Variants in STARD9 observed in about 807,000 individuals in gnomAD.
The protein encoded by STARD9 is stAR-related lipid transfer protein 9.
STARD9 carries 346 observed loss-of-function variants against 399.8 expected under a neutral mutation model. The ratio of observed to expected loss-of-function variants is 0.87; its 90% confidence interval spans 0.79 to 0.95. STARD9 has a LOEUF of 0.95. STARD9 is among the 40% of genes least tolerant of loss of function. STARD9 has a pLI of 0.00. For missense variants in STARD9, 5,832 were observed against 5,667.5 expected (o/e 1.03, Z -0.93); for synonymous variants, 2,203 against 2,143.5 (o/e 1.03, Z -0.77).
At chr15:42,602,225 G>A (rs910890958) in intron 3 of STARD9, among the ~76,000 whole-genome samples, 1 of 152,228 alleles carries the variant, frequency 6.6e-6, no homozygotes, top group Admixed American at 6.5e-5. Context: ...AGTATGCTCT[G>A]GCTTCTAGAA....
chr15:42,687,901 T>C lies in STARD9; in HGVS notation c.6323T>C (p.Leu2108Ser), dbSNP rs866443235. Residue 2108 changes from leucine to serine, a missense_variant, in exon 23 of 33, where the codon TTG becomes TCG. By Grantham distance (145) the Leu-to-Ser change is moderately radical (BLOSUM62 -2). Transcript: ENST00000290607. The part of the protein sequence containing the change: ...AFRPDSSGNP[L>S]PSKDQPSSPR... Reference sequence around the variant, plus strand: ...AGGCCAGACAGCTCTGGAAACCCTTTGCCCTCTAAGGATCAGCCATCTTCT... The same window carrying C: ...AGGCCAGACAGCTCTGGAAACCCTTCGCCCTCTAAGGATCAGCCATCTTCT... The C allele has an allele frequency of 6.5e-7, 1 of 1,537,236 alleles. No individual in the cohort carries two copies. Among genetic ancestry groups the C allele is most frequent in the African/African-American group, 1.4e-5 (1 of 73,160 alleles).
Position 42,676,050 on chromosome 15 carries a change from TG to T in STARD9, c.1874+80del. 4 of 155,370 alleles carry T rather than the reference TG, an allele frequency of 2.6e-5. 2 individuals are homozygous for T. The highest frequency in any genetic ancestry group is 4.9e-5 in the Non-Finnish European group (4 of 81,404). The allele number at this position is 155,370 out of a possible 1,614,324, so 9.6% of individuals were successfully genotyped here. A position where few individuals can be genotyped will look rare whatever the true frequency, so the allele number is the denominator to read the frequency against. ...TAGTCCATGACAGCATGGATCAGGGTGGGGGTGGGGGGTGATTAATGTAGCA... is the reference window on the plus strand; with the variant it reads ...TAGTCCATGACAGCATGGATCAGGGTGGGGTGGGGGGTGATTAATGTAGCA... On this transcript the variant is annotated intron_variant, in intron 20 of 32. Coordinates refer to ENST00000290607, the MANE Select transcript of STARD9 (RefSeq NM_020759.3).
chr15:42,617,343 G>T (rs1261047095), intron 3 of STARD9, among the ~76,000 whole-genome samples: 1 of 152,144 alleles, frequency 6.6e-6, no homozygotes, highest in Admixed American at 6.6e-5. Context: ...CATTTATAGG[G>T]TGATAACTAT....
Position 42,692,493 on chromosome 15 carries a change from G to C in STARD9, c.10915G>C (p.Glu3639Gln). 6.5e-7 allele frequency: 1 copy of C among 1,537,126 alleles called. No homozygotes were observed. The highest frequency in any genetic ancestry group is 1.2e-5 in the South Asian group (1 of 84,060). ...GGGACAGACCAGGACGAACACATTCGAACAGGGCACACAGACCCTCGGCAG... is the reference window on the plus strand; with the variant it reads ...GGGACAGACCAGGACGAACACATTCCAACAGGGCACACAGACCCTCGGCAG... The part of the protein sequence containing the change: ...PVGQTRTNTF[E>Q]QGTQTLGSRR... The change falls in exon 23 of 33, where the codon GAA becomes CAA. Residue 3639 changes from glutamate to glutamine, a missense_variant. This residue lies in a region of STARD9 where 5,828 missense variants were observed against 5,651.1 expected (regional missense o/e 1.03). Transcript: ENST00000290607.
At chr15:42,676,071 G>A (rs2060306378) in intron 20 of STARD9, 96 bp downstream of exon 20, 3 of 905,018 alleles carry the variant, frequency 3.3e-6, no homozygotes, top group Non-Finnish European at 5.1e-6. Context: ...GGTGATTAAT[G>A]TAGCAGCCAA....
intron 26 of STARD9, among the ~76,000 whole-genome samples, chr15:42,712,836 A>C (rs2061274057): frequency 6.6e-6 from 1 of 152,178 alleles, no homozygotes; most frequent in African/African-American, 2.4e-5. Context: ...CCAGCCTCAC[A>C]CTGTCTTCTT....
At chr15:42,593,457 C>G (rs529350871) in intron 3 of STARD9, among the ~76,000 whole-genome samples, 1 of 151,946 alleles carries the variant, frequency 6.6e-6, no homozygotes, top group African/African-American at 2.4e-5. Context: ...AAAAGCTAAC[C>G]GCTCTTCATG....
intron 3 of STARD9, among the ~76,000 whole-genome samples, chr15:42,620,422 A>G (rs6493055): frequency 0.082 from 12,385 of 151,890 alleles, 1,442 homozygotes; most frequent in African/African-American, 0.26. Context: ...TCAAGGCTGC[A>G]GTGAGCTGTG....
chr15:42,606,645 T>A (rs2058729600), intron 3 of STARD9, among the ~76,000 whole-genome samples: 1 of 150,424 alleles, frequency 6.6e-6, no homozygotes, highest in Non-Finnish European at 1.5e-5. Flanking sequence ...TTTTTTTTTT[T>A]AAGATGGAGT....
intron 16 of STARD9, chr15:42,672,637 T>G (rs1379467350): frequency 6.6e-6 from 1 of 152,368 alleles, no homozygotes; most frequent in Admixed American, 6.5e-5. Flanking sequence ...TCTGGCTGTT[T>G]GTGTGTTTGC....
At position 42,688,015 on chromosome 15, in the gene STARD9, A is replaced by T; in HGVS notation, c.6437A>T (p.Lys2146Ile). The change falls in exon 23 of 33, where the codon AAA (lysine) becomes ATA (isoleucine). Residue 2146 changes from lysine to isoleucine, a missense_variant. Physicochemically the swap from Lys to Ile is moderately radical, Grantham distance 102. Around this residue, in one of 2 missense-constraint regions of STARD9, gnomAD observed 5,828 missense variants for 5,651.1 expected, o/e 1.03. Transcript: ENST00000290607. ...NSIGNHPQVQ[K>I]ITPNPFRSRE... ...ATTGGGAACCATCCCCAGGTCCAGA[A>T]AATCACCCCAAACCCCTTCAGGTCA... 1 of 1,537,536 alleles carries T rather than the reference A, an allele frequency of 6.5e-7. No homozygotes were observed. The highest frequency in any genetic ancestry group is 1.2e-5 in the South Asian group (1 of 84,058).
At position 42,692,909 on chromosome 15, in the gene STARD9, T is replaced by A; in HGVS notation, c.11331T>A (p.Asp3777Glu). Residue 3777 changes from aspartate (D) to glutamate (E), a missense_variant, in exon 23 of 33, where the codon GAT becomes GAA. Transcript: ENST00000290607. ...CGACTGTGTCTCAAGAAGAGGGAGA[T>A]GTGCCAGGGGTACCTCAGAAGAGAG... ...DTSTVSQEEG[D>E]VPGVPQKREA... 6.5e-7 allele frequency: 1 copy of A among 1,537,206 alleles called. No homozygotes were observed. The highest frequency in any genetic ancestry group is 8.7e-7 in the Non-Finnish European group (1 of 1,146,896).
At chr15:42,644,225 G>A (rs921247752) in intron 7 of STARD9, among the ~76,000 whole-genome samples, 2 of 152,322 alleles carry the variant, frequency 1.3e-5, no homozygotes, top group Middle Eastern at 3.4e-3. Context: ...CGGGCATGGC[G>A]GCTCACGCCT....
At chr15:42,640,197 T>A (rs2059505803) in intron 7 of STARD9, among the ~76,000 whole-genome samples, 1 of 152,150 alleles carries the variant, frequency 6.6e-6, no homozygotes, top group Non-Finnish European at 1.5e-5. Flanking sequence ...GGATTATAGA[T>A]GTGAGCCAGC....
At chr15:42,709,098 T>C (rs2061153902) in intron 26 of STARD9, among the ~76,000 whole-genome samples, 1 of 152,182 alleles carries the variant, frequency 6.6e-6, no homozygotes, top group Non-Finnish European at 1.5e-5. Flanking sequence ...TATTGTCCTT[T>C]ATGATTAATG....
At chr15:42,632,466 T>C (rs2059349996) in intron 3 of STARD9, among the ~76,000 whole-genome samples, 1 of 152,224 alleles carries the variant, frequency 6.6e-6, no homozygotes, top group South Asian at 2.1e-4. Context: ...TCTGCCATTT[T>C]GTTATTTGTT....
chr15:42,600,015 C>G (rs572846911), intron 3 of STARD9, among the ~76,000 whole-genome samples: 5 of 152,260 alleles, frequency 3.3e-5, no homozygotes, highest in Non-Finnish European at 5.9e-5. Flanking sequence ...CTTAAAGACT[C>G]TAAGGCAGGA....
In STARD9 at chr15:42,717,965, G is replaced by A. The variant is rs2061381091; in HGVS notation, c.13560-12G>A. On this transcript the variant is annotated splice_polypyrimidine_tract_variant and intron_variant, in intron 29 of 32. Coordinates refer to ENST00000290607, the MANE Select transcript of STARD9 (RefSeq NM_020759.3). ...CCCCTTTCTATTTTCTGTGCTTGGT[G>A]TCTCCCCCCAGCTATCAGGGTGAGG... The A allele has an allele frequency of 1.3e-6, 2 of 1,536,920 alleles. No individual in the cohort carries two copies. The highest frequency in any genetic ancestry group is 4.9e-5 in the East Asian group (2 of 40,904).
Position 42,665,824 on chromosome 15 carries a change from G to T in STARD9, c.1293G>T (p.Glu431Asp). Reference sequence around the variant, plus strand: ...CATTGAGTGATGAAAACCTGAAGGAGCTGGTTCTCCAAAATGAATTGAAGG... The same window carrying T: ...CATTGAGTGATGAAAACCTGAAGGATCTGGTTCTCCAAAATGAATTGAAGG... Reference protein sequence around the residue: ...FSSLSDENLKELVLQNELKID... With the variant: ...FSSLSDENLKDLVLQNELKID... The change falls in exon 15 of 33, where the codon GAG becomes GAT. Residue 431 changes from glutamate to aspartate, a missense_variant. Glu to Asp is a conservative substitution (Grantham distance 45). Coordinates refer to ENST00000290607, the MANE Select transcript of STARD9 (RefSeq NM_020759.3). The T allele has an allele frequency of 6.5e-7, 1 of 1,537,202 alleles. No individual in the cohort carries two copies. Among genetic ancestry groups the T allele is most frequent in the Non-Finnish European group, 8.7e-7 (1 of 1,146,856 alleles).
Sources: allele counts gnomAD v4.1 joint callset (sites outside exome capture counted in the v4.1 genomes callset), GRCh38; gene constraint gnomAD v4.1.1; regional missense constraint gnomAD v4.1.1; transcripts MANE v1.5; gene names NCBI Gene and HGNC (gene_info 2026-07-23, HGNC 2026-07-21).